CSMD2: variants seen among roughly 807,000 people sequenced by gnomAD.
CSMD2 encodes CUB and Sushi multiple domains 2.
A neutral mutation model predicts 398.5 loss-of-function variants in CSMD2; 130 were observed. The observed-to-expected ratio is 0.33, with a 90% CI of 0.28 to 0.38. CSMD2 has a LOEUF of 0.38. Ranked by LOEUF, CSMD2 falls within the 10% of genes least tolerant of loss-of-function variation. The probability of loss-of-function intolerance (pLI) is 1.00; values close to 1 mark genes in which losing one functional copy is unlikely to be tolerated. For synonymous variants in CSMD2, 1,828 were observed against 1,908.5 expected, an observed-to-expected ratio of 0.96 and a Z score of 1.10; for missense variants, 3,829 against 4,764.9, an observed-to-expected ratio of 0.80 and a Z score of 5.78.
chr1:33,742,314 C>T (rs544188539), intron 14 of CSMD2, among the ~76,000 whole-genome samples: 4 of 152,338 alleles, frequency 2.6e-5, no homozygotes, highest in African/African-American at 4.8e-5. Flanking sequence ...AGGTGGAAAA[C>T]GGAGGCAAGG....
chr1:33,714,794 A>G lies in CSMD2; in HGVS notation c.3218-19T>C. 1 of 1,612,380 alleles carries G rather than the reference A, an allele frequency of 6.2e-7. No individual in the cohort carries two copies. The highest frequency in any genetic ancestry group is 2.2e-5 in the East Asian group (1 of 44,808). On this transcript the variant is annotated intron_variant, in intron 20 of 70. Transcript: ENST00000373381. ...TCGTACTCTGGAAAGGTAGCAGGAG[A>G]TCCGGGCTCAGAGACATTGCGGGGA... is the stretch of plus-strand genomic sequence containing the variant.
In CSMD2 at chr1:33,611,147, A is replaced by G. The variant is rs754265920; in HGVS notation, c.6237T>C (p.Ser2079=). The G allele has an allele frequency of 6.2e-6, 10 of 1,613,932 alleles. No homozygotes were observed. The highest frequency in any genetic ancestry group is 5.5e-5 in the South Asian group (5 of 91,050). Residue 2079 remains serine (S), a synonymous_variant, in exon 41 of 71, where the codon AGT becomes AGC. Coordinates refer to ENST00000373381, the MANE Select transcript of CSMD2 (RefSeq NM_001281956.2). ...YETSRMMGRF[S]GSELPSSLLS... Reference sequence around the variant, plus strand: ...GGAGGGAGCTTGGAAGCTCGCTTCCACTGAATCTTCCCATCATGCGGCTGG... The same window carrying G: ...GGAGGGAGCTTGGAAGCTCGCTTCCGCTGAATCTTCCCATCATGCGGCTGG...
At chr1:34,133,692 T>C (rs576588106) in intron 1 of CSMD2, among the ~76,000 whole-genome samples, 15 of 152,130 alleles carry the variant, frequency 9.9e-5, no homozygotes, top group African/African-American at 3.6e-4. Context: ...TGTTTCACAC[T>C]TTCCCATCCC....
At chr1:34,057,044 C>A (rs1329029512) in intron 2 of CSMD2, among the ~76,000 whole-genome samples, 1 of 152,188 alleles carries the variant, frequency 6.6e-6, no homozygotes, top group African/African-American at 2.4e-5. Context: ...TAGCTCCAAC[C>A]AATGAACTAT....
At chr1:33,991,104 G>T (rs145741996) in intron 3 of CSMD2, among the ~76,000 whole-genome samples, 1 of 151,342 alleles carries the variant, frequency 6.6e-6, no homozygotes. Flanking sequence ...CTGCAGCCTA[G>T]AACTCCTGGG....
chr1:33,730,596 T>C (rs1249328657), intron 15 of CSMD2, among the ~76,000 whole-genome samples: 1 of 146,980 alleles, frequency 6.8e-6, no homozygotes, highest in Non-Finnish European at 1.5e-5. Flanking sequence ...TAGCCTACCT[T>C]AATAGGATAC....
intron 2 of CSMD2, among the ~76,000 whole-genome samples, chr1:34,079,612 C>T (rs2148329607): frequency 6.6e-6 from 1 of 152,244 alleles, no homozygotes; most frequent in African/African-American, 2.4e-5. Context: ...TCTACATTAA[C>T]TTTGGAAACC....
intron 3 of CSMD2, among the ~76,000 whole-genome samples, chr1:34,005,900 T>C (rs1286566503): frequency 6.6e-6 from 1 of 152,252 alleles, no homozygotes; most frequent in African/African-American, 2.4e-5. Flanking sequence ...TGCTCTGTGA[T>C]GCCTGAGGTC....
chr1:34,132,057 C>T (rs540103213), intron 1 of CSMD2, among the ~76,000 whole-genome samples: 16 of 152,238 alleles, frequency 1.1e-4, no homozygotes, highest in African/African-American at 3.6e-4. Context: ...AAACAGCACA[C>T]ACCCAAGCAG....
chr1:33,617,029 T>C, intron 38 of CSMD2, 54 bp from the exon 39 acceptor site: 1 of 1,440,668 alleles, frequency 6.9e-7, no homozygotes, highest in South Asian at 1.1e-5. Flanking sequence ...CACAATTGTA[T>C]GTACAACCAG....
intron 3 of CSMD2, among the ~76,000 whole-genome samples, chr1:34,010,607 AT>A (rs150574767): frequency 1.1e-4 from 17 of 148,964 alleles, no homozygotes; most frequent in African/African-American, 2.7e-4. Flanking sequence ...GACTCTCTTG[AT>A]TTTTTTTTTC....
At chr1:33,843,995 T>A (rs886705461) in intron 6 of CSMD2, among the ~76,000 whole-genome samples, 1 of 152,184 alleles carries the variant, frequency 6.6e-6, no homozygotes, top group African/African-American at 2.4e-5. Context: ...GGCCTCACCA[T>A]CTCTTGCGGG....
Position 33,625,259 on chromosome 1 carries a change from G to C in CSMD2, c.5297-5C>G. The C allele has an allele frequency of 6.2e-7, 1 of 1,607,488 alleles. No individual in the cohort carries two copies. Among genetic ancestry groups the C allele is most frequent in the Non-Finnish European group, 8.5e-7 (1 of 1,177,642 alleles). On this transcript the variant is annotated splice_polypyrimidine_tract_variant and splice_region_variant and intron_variant, in intron 33 of 70. Transcript: ENST00000373381. Reference sequence around the variant, plus strand: ...TGGCGCTGGTTCGAGGAACCGCTGTGGGGGACAAGGGCACTGAGGGGAGGC... The same window carrying C: ...TGGCGCTGGTTCGAGGAACCGCTGTCGGGGACAAGGGCACTGAGGGGAGGC...
chr1:34,038,698 C>G (rs537758941), intron 2 of CSMD2, among the ~76,000 whole-genome samples: 5 of 152,310 alleles, frequency 3.3e-5, no homozygotes, highest in East Asian at 1.9e-4. Flanking sequence ...TCCAGCCCCC[C>G]AGTCTTCTTT....
chr1:33,619,948 C>T (rs545789861), intron 37 of CSMD2, among the ~76,000 whole-genome samples: 1 of 152,222 alleles, frequency 6.6e-6, no homozygotes, highest in Non-Finnish European at 1.5e-5. Flanking sequence ...ACTAACTAGA[C>T]CTACTTATTG....
chr1:33,804,447 C>T (rs1655981691), intron 10 of CSMD2, among the ~76,000 whole-genome samples: 1 of 152,206 alleles, frequency 6.6e-6, no homozygotes, highest in South Asian at 2.1e-4. Context: ...ACCCTGTTGA[C>T]ATGTCACTTC....
chr1:33,842,372 T>C (rs981901038), intron 6 of CSMD2, among the ~76,000 whole-genome samples: 2 of 152,214 alleles, frequency 1.3e-5, no homozygotes, highest in African/African-American at 2.4e-5. Flanking sequence ...AAAACGAAAA[T>C]GTGATCACGT....
intron 2 of CSMD2, among the ~76,000 whole-genome samples, chr1:34,048,244 T>C (rs575775045): frequency 6.6e-6 from 1 of 152,350 alleles, no homozygotes; most frequent in East Asian, 1.9e-4. Context: ...GCACAGGTGC[T>C]GCCTTCCATA....
chr1:33,700,242 C>T (rs541214718), intron 23 of CSMD2, among the ~76,000 whole-genome samples: 2 of 152,236 alleles, frequency 1.3e-5, no homozygotes, highest in South Asian at 4.1e-4. Flanking sequence ...CTCCTGACCT[C>T]GTGATCCACC....
Sources: gnomAD v4.1 joint callset for allele counts (sites outside exome capture counted in the v4.1 genomes callset) on GRCh38, gnomAD v4.1.1 for gene constraint, MANE v1.5 for transcripts, NCBI Gene and HGNC (gene_info 2026-07-23, HGNC 2026-07-21) for gene names.